ITIH5: variants seen among roughly 807,000 people sequenced by gnomAD.
ITIH5 encodes inter-alpha-trypsin inhibitor heavy chain H5.
ITIH5 carries 65 observed loss-of-function variants against 77.5 expected under a neutral mutation model. The observed-to-expected ratio is 0.84, with a 90% confidence interval of 0.69 to 1.03. The LOEUF (loss-of-function observed/expected upper bound fraction) is 1.03, where lower values mean the gene tolerates loss of function less well. ITIH5 is among the 50% of genes least tolerant of loss of function. The probability of loss-of-function intolerance (pLI) is 0.00; values close to 1 mark genes in which losing one functional copy is unlikely to be tolerated. For synonymous variants in ITIH5, 525 were observed against 494.3 expected, an observed-to-expected ratio of 1.06 and a Z score of -0.82; for missense variants, 1,208 against 1,213.1, an observed-to-expected ratio of 1.00 and a Z score of 0.06.
chr10:7,629,190 T>C (rs1427384463), intron 5 of ITIH5, among the ~76,000 whole-genome samples: 3 of 129,978 alleles, frequency 2.3e-5, no homozygotes, highest in African/African-American at 7.7e-5. Flanking sequence ...TGTTTTCACA[T>C]GTGTCCCTGT....
chr10:7,639,816 A>G (rs900275497), intron 4 of ITIH5, among the ~76,000 whole-genome samples: 1 of 152,222 alleles, frequency 6.6e-6, no homozygotes, highest in African/African-American at 2.4e-5. Context: ...GAATAAAAGT[A>G]TTACAAGTCA....
At chr10:7,617,521 G>A (rs1451369342) in intron 5 of ITIH5, 2 of 326,256 alleles carry the variant, frequency 6.1e-6, no homozygotes, top group African/African-American at 4.3e-5. Flanking sequence ...CAAAAGTAGA[G>A]AGAATAGTAA....
chr10:7,641,987 T>A lies in ITIH5; in HGVS notation c.239A>T (p.Asp80Val), dbSNP rs745565752. 3 of 1,614,154 alleles carry A rather than the reference T, an allele frequency of 1.9e-6. No homozygotes were observed. The highest frequency in any genetic ancestry group is 2.5e-6 in the Non-Finnish European group (3 of 1,180,008). Reference sequence around the variant, plus strand: ...CTGCATCTGGAACTCAATGTCCTGGTCTTCAGAAGCTCTGTTCAGCATTCT... The same window carrying A: ...CTGCATCTGGAACTCAATGTCCTGGACTTCAGAAGCTCTGTTCAGCATTCT... The part of the protein sequence containing the change: ...SCRMLNRASE[D>V]QDIEFQMQIP... Residue 80 changes from aspartate to valine, a missense_variant, in exon 3 of 14, where the codon GAC (aspartate) becomes GTC (valine). Asp to Val is a radical substitution (Grantham distance 152). Transcript: ENST00000397146.
Position 7,576,681 on chromosome 10 carries a change from C to G in ITIH5, c.1750G>C (p.Glu584Gln). ...CTTTGCAGCCAGGAGCTCAGCAGCT[C>G]CTTTGTGGTGAGGTAGCTCCAGAGA... ...ERLWSYLTTK[E>Q]LLSSWLQSDD... The change falls in exon 10 of 14, where the codon GAG becomes CAG. Residue 584 changes from glutamate to glutamine, a missense_variant. Coordinates refer to ENST00000397146, the MANE Select transcript of ITIH5 (RefSeq NM_030569.7). The G allele has an allele frequency of 6.2e-7, 1 of 1,614,164 alleles. No homozygotes were observed. Among genetic ancestry groups the G allele is most frequent in the Non-Finnish European group, 8.5e-7 (1 of 1,180,028 alleles).
chr10:7,600,997 A>G (rs1356240234), intron 7 of ITIH5, among the ~76,000 whole-genome samples: 4 of 152,204 alleles, frequency 2.6e-5, no homozygotes, highest in Non-Finnish European at 1.5e-5. Context: ...TATGGCACAT[A>G]TATGAGTCCA....
chr10:7,637,636 C>T (rs1035907013), intron 4 of ITIH5, among the ~76,000 whole-genome samples, 158 bp from the exon 5 acceptor site: 8 of 152,062 alleles, frequency 5.3e-5, no homozygotes, highest in African/African-American at 9.7e-5. Context: ...AATAAAAATT[C>T]GTATTAGAAG....
intron 12 of ITIH5, among the ~76,000 whole-genome samples, chr10:7,567,319 T>TTATTATTA (rs1832206359): frequency 7.2e-5 from 10 of 139,498 alleles, no homozygotes; most frequent in East Asian, 2.1e-4. Flanking sequence ...TCGGACATCT[T>TTATTATTA]TTATTATTAT....
chr10:7,592,260 G>A (rs1832807382), intron 7 of ITIH5, among the ~76,000 whole-genome samples: 1 of 152,154 alleles, frequency 6.6e-6, no homozygotes, highest in Non-Finnish European at 1.5e-5. Flanking sequence ...AATGTGTTCT[G>A]AATAAGTGAG....
intron 7 of ITIH5, among the ~76,000 whole-genome samples, chr10:7,606,620 C>T (rs1429552758): frequency 1.3e-5 from 2 of 152,186 alleles, no homozygotes; most frequent in East Asian, 3.8e-4. Context: ...CAAAAAACTA[C>T]TTCTCAGGTA....
At chr10:7,608,210 G>A (rs1297380331) in intron 7 of ITIH5, among the ~76,000 whole-genome samples, 8 of 152,174 alleles carry the variant, frequency 5.3e-5, no homozygotes, top group African/African-American at 1.7e-4. Flanking sequence ...TCTGGGTCCC[G>A]CAGCTCATGC....
At position 7,631,879 on chromosome 10, in the gene ITIH5, C is replaced by T. The variant is rs773248521; in HGVS notation, c.652+5349G>A. 3.9e-5 allele frequency among the ~76,000 whole-genome samples: 6 copies of T among 151,962 alleles called. No homozygotes were observed. In the East Asian group the frequency reaches 7.7e-4, roughly 20 times the overall value. ...TCAGCTCGCTGCAGCCTCCGCCTCC[C>T]GGGTTCAAGCAATTCTCCTGCCTCA... is the stretch of plus-strand genomic sequence containing the variant. On this transcript the variant is annotated intron_variant, in intron 5 of 13. Coordinates refer to ENST00000397146, the MANE Select transcript of ITIH5 (RefSeq NM_030569.7).
At position 7,579,902 on chromosome 10, in the gene ITIH5, C is replaced by T. The variant is rs763021116; in HGVS notation, c.1271G>A (p.Arg424Gln). The T allele has an allele frequency of 2.3e-5, 37 of 1,614,090 alleles. No homozygotes were observed. Among genetic ancestry groups the T allele is most frequent in the Admixed American group, 1.8e-4 (11 of 60,006 alleles). Residue 424 changes from arginine to glutamine, a missense_variant, in exon 9 of 14, where the codon CGA becomes CAA. By Grantham distance (43) the Arg-to-Gln change is conservative. Transcript: ENST00000397146. ...THTLKILNNT[R>Q]EAARGQVCIF... The stretch of plus-strand genomic sequence containing the variant: ...GCAGACTTGGCCTCGGGCGGCCTCT[C>T]GGGTGTTGTTGAGGATCTTGAGGGT...
chr10:7,598,112 T>C (rs1564252523), intron 7 of ITIH5, among the ~76,000 whole-genome samples: 1 of 152,050 alleles, frequency 6.6e-6, no homozygotes, highest in Non-Finnish European at 1.5e-5. Flanking sequence ...CTTCAGGGGG[T>C]TATGAAAATG....
At chr10:7,628,911 G>A (rs1273876546) in intron 5 of ITIH5, among the ~76,000 whole-genome samples, 1 of 138,266 alleles carries the variant, frequency 7.2e-6, no homozygotes, top group Non-Finnish European at 1.6e-5. Context: ...ATGCATCCAT[G>A]TTATCATATG....
intron 7 of ITIH5, among the ~76,000 whole-genome samples, chr10:7,613,203 G>A (rs1186891954): frequency 6.7e-6 from 1 of 148,898 alleles, no homozygotes; most frequent in Non-Finnish European, 1.5e-5. Flanking sequence ...CCGAGATCAT[G>A]CCATTGCACT....
intron 2 of ITIH5, among the ~76,000 whole-genome samples, chr10:7,644,738 TCACATATATATCACATATATCA>T (rs1833967453): frequency 8.7e-6 from 1 of 115,170 alleles, no homozygotes; most frequent in African/African-American, 5.2e-5. Flanking sequence ...CATATCTATA[TCACATATATATCACATATATCA>T]CATATATATC....
rs199664411 is a variant in ITIH5, at chr10:7,624,889, GTATATATATACATACATATATATATA to G, written c.653-7633_653-7608del. On this transcript the variant is annotated intron_variant, in intron 5 of 13. Transcript: ENST00000397146. ...TGTATATATGTATGTATATATATGT[GTATATATATACATACATATATATATA>G]TATATATGCATTATCCCTTTCTGCC... Among the ~76,000 whole-genome samples, 134 of 33,738 alleles carry G rather than the reference GTATATATATACATACATATATATATA, an allele frequency of 4.0e-3. No individual in the cohort carries two copies. In the East Asian group the frequency reaches 0.088, roughly 22 times the overall value. The allele number at this position is 33,738 out of a possible 152,430, so 22.1% of individuals were successfully genotyped here. A position where few individuals can be genotyped will look rare whatever the true frequency, so the allele number is the denominator to read the frequency against.
At chr10:7,644,947 TATATCACAC>T (rs1451484380) in intron 2 of ITIH5, among the ~76,000 whole-genome samples, 471 of 6,226 alleles carry the variant, frequency 0.076, 21 homozygotes, top group African/African-American at 0.15. Context: ...CACATATATA[TATATCACAC>T]ATATATATAT....
Position 7,637,716 on chromosome 10 carries a change from A to C in ITIH5, c.402-238T>G, listed in dbSNP as rs115932044. On this transcript the variant is annotated intron_variant, in intron 4 of 13. Transcript: ENST00000397146. The stretch of plus-strand genomic sequence containing the variant: ...TACCGACCAGGAGAGGATTCTAAGA[A>C]TACTGTCCTACCTCTCCCTGAGACA... 1.0e-3 allele frequency among the ~76,000 whole-genome samples: 155 copies of C among 152,308 alleles called. 1 individual carries two copies. The highest frequency in any genetic ancestry group is 3.6e-3 in the African/African-American group (151 of 41,574).
Sources: gnomAD v4.1 joint callset for allele counts (sites outside exome capture counted in the v4.1 genomes callset) on GRCh38, gnomAD v4.1.1 for gene constraint, MANE v1.5 for transcripts, NCBI Gene and HGNC (gene_info 2026-07-23, HGNC 2026-07-21) for gene names.